Variants in GABRB1 observed in about 807,000 individuals in gnomAD.
GABRB1 encodes gamma-aminobutyric acid receptor subunit beta-1.
GABRB1 carries 17 observed loss-of-function variants against 51.6 expected under a neutral mutation model. The ratio of observed to expected loss-of-function variants is 0.33; its 90% CI spans 0.23 to 0.49. The LOEUF is 0.49. GABRB1 is among the 20% of genes least tolerant of loss of function. The probability of loss-of-function intolerance (pLI) is 0.99; values close to 1 mark genes in which losing one functional copy is unlikely to be tolerated. For synonymous variants in GABRB1, 247 were observed against 218.9 expected (o/e 1.13, Z -1.14); for missense variants, 410 against 600.6 (o/e 0.68, Z 3.32).
At chr4:47,015,920 AC>A (rs1360500864) in intron 1 of GABRB1, among the ~76,000 whole-genome samples, 1 of 152,208 alleles carries the variant, frequency 6.6e-6, no homozygotes, top group Non-Finnish European at 1.5e-5. Flanking sequence ...TATTCAGCTA[AC>A]GGTAGAACTA....
At chr4:47,303,002 A>G (rs1724319058) in intron 4 of GABRB1, among the ~76,000 whole-genome samples, 2 of 151,950 alleles carry the variant, frequency 1.3e-5, no homozygotes, top group South Asian at 4.1e-4. Flanking sequence ...TGTATGTGCT[A>G]TGTGCTCACA....
chr4:47,184,702 A>G (rs1230310446), intron 4 of GABRB1, among the ~76,000 whole-genome samples: 1 of 151,902 alleles, frequency 6.6e-6, no homozygotes, highest in Non-Finnish European at 1.5e-5. Flanking sequence ...CTGAGATTAC[A>G]TTACCTTAGC....
At chr4:47,266,249 C>T (rs1326331580) in intron 4 of GABRB1, among the ~76,000 whole-genome samples, 3 of 152,016 alleles carry the variant, frequency 2.0e-5, no homozygotes, top group Admixed American at 6.6e-5. Context: ...TTGGTTGTAG[C>T]TCTGTAGCAT....
chr4:47,285,327 A>C (rs569012839), intron 4 of GABRB1, among the ~76,000 whole-genome samples: 2 of 152,224 alleles, frequency 1.3e-5, no homozygotes, highest in South Asian at 4.1e-4. Context: ...TTTACTATGC[A>C]TAGCTTCCCA....
intron 3 of GABRB1, among the ~76,000 whole-genome samples, chr4:47,115,704 C>T (rs931504112): frequency 6.6e-6 from 1 of 151,140 alleles, no homozygotes; most frequent in Non-Finnish European, 1.5e-5. Flanking sequence ...CTGGTAAAGG[C>T]TTTTTCTAAC....
chr4:47,231,762 C>A (rs945370727), intron 4 of GABRB1, among the ~76,000 whole-genome samples: 2 of 152,098 alleles, frequency 1.3e-5, no homozygotes, highest in Non-Finnish European at 2.9e-5. Context: ...CTGTGAAAGC[C>A]TATTGTTAGA....
intron 5 of GABRB1, among the ~76,000 whole-genome samples, chr4:47,339,448 GA>G (rs1205372650): frequency 6.6e-6 from 1 of 152,044 alleles, no homozygotes; most frequent in Non-Finnish European, 1.5e-5. Flanking sequence ...TACTTTTATT[GA>G]ATCTTTATCA....
intron 5 of GABRB1, among the ~76,000 whole-genome samples, chr4:47,399,902 T>C (rs1700226060): frequency 6.6e-6 from 1 of 152,208 alleles, no homozygotes; most frequent in Non-Finnish European, 1.5e-5. Flanking sequence ...CCTTGGAGTT[T>C]AGGAATGATA....
At chr4:47,295,735 T>A (rs1257580566) in intron 4 of GABRB1, among the ~76,000 whole-genome samples, 1 of 151,980 alleles carries the variant, frequency 6.6e-6, no homozygotes, top group South Asian at 2.1e-4. Context: ...AGGCCAACAT[T>A]CAGATTCAGG....
intron 4 of GABRB1, among the ~76,000 whole-genome samples, chr4:47,242,167 G>A (rs184370078): frequency 6.6e-6 from 1 of 152,084 alleles, no homozygotes; most frequent in African/African-American, 2.4e-5. Flanking sequence ...ATAGTTTGCT[G>A]AGAATGATGG....
chr4:47,085,458 C>T (rs774750155), intron 3 of GABRB1, among the ~76,000 whole-genome samples: 3 of 152,258 alleles, frequency 2.0e-5, no homozygotes, highest in East Asian at 3.9e-4. Flanking sequence ...TTAATTTCTG[C>T]GCTCATCAAC....
chr4:47,027,197 G>A (rs1386527661), upstream of GABRB1, among the ~76,000 whole-genome samples: 1 of 151,370 alleles, frequency 6.6e-6, no homozygotes, highest in Non-Finnish European at 1.5e-5. Flanking sequence ...TATTTATTTG[G>A]CTAGAATTAT....
chr4:47,074,796 G>A (rs1278948461), intron 3 of GABRB1, among the ~76,000 whole-genome samples: 3 of 152,184 alleles, frequency 2.0e-5, no homozygotes, highest in Non-Finnish European at 4.4e-5. Flanking sequence ...TACAATTACC[G>A]ATAAGGTTGC....
At chr4:47,109,393 A>G (rs879711513) in intron 3 of GABRB1, among the ~76,000 whole-genome samples, 15 of 152,256 alleles carry the variant, frequency 9.9e-5, no homozygotes, top group Non-Finnish European at 1.6e-4. Flanking sequence ...AATCTGAAAA[A>G]AAACAATGCC....
chr4:47,163,398 T>C (rs1718044998), intron 4 of GABRB1, among the ~76,000 whole-genome samples: 1 of 152,004 alleles, frequency 6.6e-6, no homozygotes, highest in Non-Finnish European at 1.5e-5. Flanking sequence ...ATAAAGTTGC[T>C]CAATTAAAAA....
upstream of GABRB1, among the ~76,000 whole-genome samples, chr4:47,027,303 A>G (rs759604606): frequency 1.3e-5 from 2 of 151,668 alleles, no homozygotes; most frequent in Non-Finnish European, 3.0e-5. Context: ...TCCAAAAAGA[A>G]TAAACCCAGA....
At chr4:47,371,085 T>TCCCCCCCCCCCCCCCCCCCC (rs59604624) in intron 5 of GABRB1, among the ~76,000 whole-genome samples, 1 of 129,632 alleles carries the variant, frequency 7.7e-6, no homozygotes. Context: ...ATGCTCTCCC[T>TCCCCCCCCCCCCCCCCCCCC]CCCCCACCCC....
intron 3 of GABRB1, among the ~76,000 whole-genome samples, chr4:47,088,961 A>G (rs2109582213): frequency 6.6e-6 from 1 of 152,276 alleles, no homozygotes; most frequent in South Asian, 2.1e-4. Flanking sequence ...TTGTGTGCAA[A>G]TCAGGGACTC....
intron 3 of GABRB1, among the ~76,000 whole-genome samples, chr4:47,085,986 T>A (rs774729216): frequency 6.6e-6 from 1 of 152,184 alleles, no homozygotes; most frequent in Middle Eastern, 3.2e-3. Context: ...CACCTCTTAA[T>A]GGCAGAAGAA....
Sources: gnomAD v4.1 joint callset for allele counts (sites outside exome capture counted in the v4.1 genomes callset) on GRCh38, gnomAD v4.1.1 for gene constraint, MANE v1.5 for transcripts, NCBI Gene and HGNC (gene_info 2026-07-23, HGNC 2026-07-21) for gene names.